The following CNTN5 variants were observed in gnomAD, a reference collection of about 807,000 sequenced individuals.
CNTN5 encodes contactin 5, also known as contactin-5.
CNTN5 carries 77 observed loss-of-function variants against 129.1 expected under a neutral mutation model. That is an observed-to-expected ratio of 0.60 (90% CI 0.50 to 0.72). The LOEUF is 0.72. Among genes scored for constraint, CNTN5 ranks in the 30% least tolerant of loss-of-function variants. The pLI is 0.00. For missense variants in CNTN5, 1,478 were observed against 1,328.8 expected (o/e 1.11, Z -1.75); for synonymous variants, 509 against 465.6 (o/e 1.09, Z -1.20).
intron 17 of CNTN5, among the ~76,000 whole-genome samples, chr11:100,262,595 GAATACTATGCA>G (rs1213652661): frequency 6.6e-6 from 1 of 152,174 alleles, no homozygotes; most frequent in Non-Finnish European, 1.5e-5. Flanking sequence ...ATATGCCATG[GAATACTATGCA>G]GCCATAAAAA....
chr11:99,850,716 G>T (rs1947846525), intron 6 of CNTN5, among the ~76,000 whole-genome samples: 1 of 152,030 alleles, frequency 6.6e-6, no homozygotes, highest in Non-Finnish European at 1.5e-5. Context: ...GGTCAAGGTA[G>T]TACAGACCAT....
intron 3 of CNTN5, among the ~76,000 whole-genome samples, chr11:99,587,627 G>A (rs924204700): frequency 6.6e-6 from 1 of 152,176 alleles, no homozygotes; most frequent in African/African-American, 2.4e-5. Flanking sequence ...TTTGAAAGAT[G>A]TGTGTGGGAG....
At chr11:99,639,685 C>T (rs112864200) in intron 3 of CNTN5, among the ~76,000 whole-genome samples, 3,420 of 150,800 alleles carry the variant, frequency 0.023, 141 homozygotes, top group African/African-American at 0.079. Flanking sequence ...CTGCCTCAGC[C>T]TCCCAAGTAG....
chr11:99,223,016 C>G (rs925408824), intron 1 of CNTN5, among the ~76,000 whole-genome samples: 3 of 152,074 alleles, frequency 2.0e-5, no homozygotes, highest in Non-Finnish European at 4.4e-5. Flanking sequence ...CTTCCAATGC[C>G]TTCATCTTTT....
rs1390417085 is a variant in CNTN5 at position 99,617,035 on chromosome 11, C to T, written c.55+60766C>T. Among the ~76,000 whole-genome samples, 4 of 152,298 alleles carry T rather than the reference C, an allele frequency of 2.6e-5. No individual in the cohort carries two copies. The South Asian group carries it at 6.2e-4, about 24-fold the overall frequency. ...CTGAGGCAGGAGAATTGCTTGAACC[C>T]AGGAGGTGGAGGTTGCAGTGAGCCA... On this transcript the variant is annotated intron_variant, in intron 3 of 24. Transcript: ENST00000524871.
chr11:99,058,925 A>G (rs1864749441), intron 1 of CNTN5, among the ~76,000 whole-genome samples: 2 of 148,898 alleles, frequency 1.3e-5, no homozygotes, highest in Non-Finnish European at 3.0e-5. Flanking sequence ...TATATATATT[A>G]TATAATTTAT....
At chr11:99,321,705 G>T (rs1865577981) in intron 1 of CNTN5, among the ~76,000 whole-genome samples, 1 of 152,128 alleles carries the variant, frequency 6.6e-6, no homozygotes, top group African/African-American at 2.4e-5. Flanking sequence ...CTTCCACCTT[G>T]ATTGATTGAT....
chr11:99,195,077 T>G (rs187462582), intron 1 of CNTN5, among the ~76,000 whole-genome samples: 314 of 152,294 alleles, frequency 2.1e-3, no homozygotes, highest in Non-Finnish European at 3.7e-3. Flanking sequence ...ACAACTGGAT[T>G]AAAAGGAAAT....
intron 21 of CNTN5, among the ~76,000 whole-genome samples, chr11:100,318,701 C>A (rs1289229431): frequency 3.9e-5 from 6 of 152,082 alleles, no homozygotes; most frequent in Admixed American, 2.0e-4. Context: ...ACCTTAAGCA[C>A]CTGACAATGT....
At chr11:99,306,200 A>G (rs1475424023) in intron 1 of CNTN5, among the ~76,000 whole-genome samples, 1 of 152,170 alleles carries the variant, frequency 6.6e-6, no homozygotes, top group African/African-American at 2.4e-5. Context: ...TTTGTAACAC[A>G]GTAGAAGAAC....
chr11:99,851,785 G>A (rs145035531), intron 6 of CNTN5, among the ~76,000 whole-genome samples: 1,625 of 152,260 alleles, frequency 0.011, 16 homozygotes, highest in Non-Finnish European at 0.016. Context: ...GAGATTATAT[G>A]ACTTTTTAGG....
At chr11:99,711,989 AT>A (rs780317969) in intron 3 of CNTN5, among the ~76,000 whole-genome samples, 1 of 152,114 alleles carries the variant, frequency 6.6e-6, no homozygotes, top group Non-Finnish European at 1.5e-5. Context: ...TCCTTTGGGT[AT>A]ATACCCAGTA....
chr11:100,143,173 A>T (rs1430088305), intron 13 of CNTN5, among the ~76,000 whole-genome samples: 2 of 152,174 alleles, frequency 1.3e-5, no homozygotes, highest in African/African-American at 4.8e-5. Flanking sequence ...AATATGTATG[A>T]ATCATTTCAT....
chr11:99,040,607 G>A (rs1565269482), intron 1 of CNTN5, among the ~76,000 whole-genome samples: 1 of 152,140 alleles, frequency 6.6e-6, no homozygotes, highest in African/African-American at 2.4e-5. Flanking sequence ...AAGTAAAAGT[G>A]AAAAAATGAG....
intron 3 of CNTN5, among the ~76,000 whole-genome samples, chr11:99,762,084 T>C (rs926600846): frequency 1.1e-5 from 1 of 91,740 alleles, no homozygotes; most frequent in African/African-American, 3.7e-5. Context: ...TGTCTGTTCA[T>C]GTCCTTCACC....
At chr11:100,134,159 T>C (rs571760938) in intron 13 of CNTN5, among the ~76,000 whole-genome samples, 1 of 152,310 alleles carries the variant, frequency 6.6e-6, no homozygotes, top group South Asian at 2.1e-4. Flanking sequence ...GAAGGGCTCA[T>C]AGCTGCTTCT....
intron 3 of CNTN5, among the ~76,000 whole-genome samples, chr11:99,803,790 T>C (rs1370581311): frequency 6.6e-6 from 1 of 152,222 alleles, no homozygotes; most frequent in Non-Finnish European, 1.5e-5. Flanking sequence ...TCACTTACTT[T>C]TATGAGCTAC....
At chr11:99,533,614 A>G (rs1248097280) in intron 2 of CNTN5, among the ~76,000 whole-genome samples, 1 of 152,172 alleles carries the variant, frequency 6.6e-6, no homozygotes, top group Non-Finnish European at 1.5e-5. Context: ...TCTTCCACCC[A>G]TACACTTACA....
intron 13 of CNTN5, among the ~76,000 whole-genome samples, chr11:100,092,220 A>C (rs758582281): frequency 3.9e-5 from 6 of 152,152 alleles, no homozygotes; most frequent in Admixed American, 6.5e-5. Context: ...CTTGTTTTCT[A>C]CTAGTTTAAA....
Sources: gnomAD v4.1 joint callset for allele counts (sites outside exome capture counted in the v4.1 genomes callset) on GRCh38, gnomAD v4.1.1 for gene constraint, MANE v1.5 for transcripts, NCBI Gene and HGNC (gene_info 2026-07-23, HGNC 2026-07-21) for gene names.